The following GRPR variants were observed in gnomAD, a reference collection of about 807,000 sequenced individuals.
GRPR encodes the protein gastrin releasing peptide receptor.
Under a neutral mutation model 15.6 loss-of-function variants are expected in GRPR, and 4 were observed. The ratio of observed to expected loss-of-function variants is 0.26; its 90% CI spans 0.13 to 0.59. The LOEUF (loss-of-function observed/expected upper bound fraction) is 0.59, where lower values mean the gene tolerates loss of function less well. Ranked by LOEUF, GRPR falls within the 20% of genes least tolerant of loss-of-function variation. The pLI is 0.90. For synonymous variants in GRPR, 128 were observed against 126.8 expected (o/e 1.01, Z -0.06); for missense variants, 270 against 304.1 (o/e 0.89, Z 0.83).
chrX:16,128,639 G>C (rs1220287866), intron 1 of GRPR, among the ~76,000 whole-genome samples: 3 of 111,877 alleles, frequency 2.7e-5, no homozygotes, highest in Non-Finnish European at 3.8e-5. Context: ...TCAGTAAGTA[G>C]ATTCAGGGGA....
At chrX:16,137,761 G>A (rs1206225921) in intron 1 of GRPR, among the ~76,000 whole-genome samples, 1 of 111,583 alleles carries the variant, frequency 9.0e-6, no homozygotes, top group South Asian at 3.8e-4. Context: ...TGTGTGACTG[G>A]GAGCATGGCA....
chrX:16,128,435 A>G (rs932264543), intron 1 of GRPR, among the ~76,000 whole-genome samples: 3 of 110,558 alleles, frequency 2.7e-5, no homozygotes, highest in African/African-American at 9.9e-5. Context: ...GAATTGCTTG[A>G]ACCCAGGAGG....
chrX:16,125,400 C>T (rs963708069), intron 1 of GRPR, among the ~76,000 whole-genome samples: 1 of 112,176 alleles, frequency 8.9e-6, no homozygotes, highest in Non-Finnish European at 1.9e-5. Context: ...CTGCAATGAA[C>T]CTAGACTATA....
intron 2 of GRPR, among the ~76,000 whole-genome samples, chrX:16,152,036 T>A: frequency 9.3e-6 from 1 of 108,051 alleles, no homozygotes; most frequent in East Asian, 2.8e-4. Flanking sequence ...TTCTGACTCT[T>A]TTTTTTTCCT....
At chrX:16,150,995 C>T (rs1380187971) in intron 2 of GRPR, among the ~76,000 whole-genome samples, 1 of 112,000 alleles carries the variant, frequency 8.9e-6, no homozygotes, top group Non-Finnish European at 1.9e-5. Context: ...ACTCCAGTCA[C>T]ATTGTTTGCC....
chrX:16,138,494 A>G (rs1172725178), intron 1 of GRPR, among the ~76,000 whole-genome samples: 4 of 112,483 alleles, frequency 3.6e-5, no homozygotes, highest in Non-Finnish European at 7.5e-5. Context: ...AGATTTTACA[A>G]TAAGCTCTTT....
intron 1 of GRPR, among the ~76,000 whole-genome samples, chrX:16,134,765 T>C (rs897166706): frequency 7.2e-5 from 8 of 111,086 alleles, no homozygotes; most frequent in African/African-American, 2.6e-4. Context: ...TCTCTGCTGC[T>C]GCTTGACATT....
At chrX:16,148,265 A>G (rs1210942545) in intron 1 of GRPR, among the ~76,000 whole-genome samples, 4 of 111,554 alleles carry the variant, frequency 3.6e-5, no homozygotes, top group Non-Finnish European at 7.5e-5. Flanking sequence ...GGGGAATGTA[A>G]CTCAGGTCTA....
intron 2 of GRPR, among the ~76,000 whole-genome samples, chrX:16,151,070 A>G (rs1922691464): frequency 1.8e-5 from 2 of 111,901 alleles, no homozygotes; most frequent in Non-Finnish European, 3.8e-5. Context: ...TTGAAGAAAA[A>G]GAGTAGTTTG....
chrX:16,152,894 A>G lies in GRPR; in HGVS notation c.*249A>G, dbSNP rs1386087965. 5.3e-5 allele frequency: 21 copies of G among 399,414 alleles called. No individual in the cohort carries two copies. Among genetic ancestry groups the G allele is most frequent in the Non-Finnish European group, 1.3e-5 (3 of 228,622 alleles). The allele number at this position is 399,414 out of a possible 1,213,427, so 32.9% of individuals were successfully genotyped here. A position where few individuals can be genotyped will look rare whatever the true frequency, so the allele number is the denominator to read the frequency against. On this transcript the variant is annotated 3_prime_UTR_variant, in exon 3 of 3. Transcript: ENST00000380289. Reference sequence around the variant, plus strand: ...GAAGCAAACCTTCCCTTTTCAGAAAAGGGAACAAGTAGAAAATTATTTTTT... The same window carrying G: ...GAAGCAAACCTTCCCTTTTCAGAAAGGGGAACAAGTAGAAAATTATTTTTT...
chrX:16,129,064 G>T (rs1287630126), intron 1 of GRPR, among the ~76,000 whole-genome samples: 1 of 112,329 alleles, frequency 8.9e-6, no homozygotes, highest in African/African-American at 3.2e-5. Flanking sequence ...CTAGAATGGG[G>T]CTGGCAGAAT....
intron 1 of GRPR, among the ~76,000 whole-genome samples, chrX:16,136,295 C>T (rs749233341): frequency 2.7e-5 from 3 of 111,893 alleles, no homozygotes; most frequent in Non-Finnish European, 5.6e-5. Context: ...TATATGCTGA[C>T]CTAGCAGCAT....
chrX:16,137,847 T>C (rs1922472670), intron 1 of GRPR, among the ~76,000 whole-genome samples: 1 of 111,280 alleles, frequency 9.0e-6, no homozygotes, highest in Non-Finnish European at 1.9e-5. Context: ...GCCAGACAAA[T>C]TGGATGAATA....
intron 1 of GRPR, among the ~76,000 whole-genome samples, chrX:16,128,622 T>C (rs979115215): frequency 9.8e-5 from 11 of 111,835 alleles, no homozygotes; most frequent in Non-Finnish European, 2.1e-4. Flanking sequence ...AAACTATTTT[T>C]TGTGGGTCAG....
chrX:16,136,694 A>G (rs1922454411), intron 1 of GRPR, among the ~76,000 whole-genome samples: 1 of 111,685 alleles, frequency 9.0e-6, no homozygotes, highest in Non-Finnish European at 1.9e-5. Flanking sequence ...TTTGGCAAAC[A>G]TTTTCTGCAG....
rs972304681 is a variant in GRPR at position 16,130,018 on chromosome X, A to G, written c.413+5652A>G. ...CTTTCCATCTACCCAAATCCTATCA[A>G]TCCTTCAAGGGATAGTTCAAGTCCT... is the stretch of plus-strand genomic sequence containing the variant. On this transcript the variant is annotated intron_variant, in intron 1 of 2. Coordinates refer to ENST00000380289, the MANE Select transcript of GRPR (RefSeq NM_005314.3). 4.5e-5 allele frequency among the ~76,000 whole-genome samples: 5 copies of G among 111,333 alleles called. No individual in the cohort carries two copies. In the East Asian group the frequency reaches 1.4e-3, roughly 31 times the overall value.
At chrX:16,126,501 C>G (rs765365339) in intron 1 of GRPR, among the ~76,000 whole-genome samples, 92 of 111,473 alleles carry the variant, frequency 8.3e-4, no homozygotes, top group Middle Eastern at 4.6e-3. Flanking sequence ...AGTAACAGCT[C>G]AATATATTTT....
At chrX:16,129,655 A>G (rs1922348520) in intron 1 of GRPR, among the ~76,000 whole-genome samples, 1 of 111,798 alleles carries the variant, frequency 8.9e-6, no homozygotes, top group Non-Finnish European at 1.9e-5. Context: ...TTCTGTTGGA[A>G]GACACACACA....
chrX:16,133,724 A>G (rs1004741657), intron 1 of GRPR, among the ~76,000 whole-genome samples: 1 of 111,762 alleles, frequency 8.9e-6, no homozygotes, highest in African/African-American at 3.2e-5. Context: ...TGACAGTCAT[A>G]TGTCAGTTTT....
Sources: allele counts gnomAD v4.1 joint callset (sites outside exome capture counted in the v4.1 genomes callset), GRCh38; gene constraint gnomAD v4.1.1; transcripts MANE v1.5; gene names NCBI Gene and HGNC (gene_info 2026-07-23, HGNC 2026-07-21).